The following GRIA2 variants were observed in gnomAD, a reference collection of about 807,000 sequenced individuals.
GRIA2 encodes glutamate ionotropic receptor AMPA type subunit 2, also known as glutamate receptor 2.
Under a neutral mutation model 97.3 loss-of-function variants are expected in GRIA2, and 14 were observed. The ratio of observed to expected loss-of-function variants is 0.14; its 90% CI spans 0.10 to 0.23. The LOEUF (loss-of-function observed/expected upper bound fraction) is 0.23, where lower values mean the gene tolerates loss of function less well. Ranked by LOEUF, GRIA2 falls within the 10% of genes least tolerant of loss-of-function variation. The probability of loss-of-function intolerance (pLI) is 1.00; values close to 1 mark genes in which losing one functional copy is unlikely to be tolerated. For synonymous variants in GRIA2, 412 were observed against 387.8 expected (o/e 1.06, Z -0.73); for missense variants, 558 against 1,069.8 (o/e 0.52, Z 6.67).
At chr4:157,303,080 A>G (rs1733686096) in intron 2 of GRIA2, among the ~76,000 whole-genome samples, 1 of 152,164 alleles carries the variant, frequency 6.6e-6, no homozygotes, top group Non-Finnish European at 1.5e-5. Flanking sequence ...CTTGTCTTAA[A>G]GAGGTTTTGG....
intron 2 of GRIA2, among the ~76,000 whole-genome samples, chr4:157,271,810 C>G (rs1732038490): frequency 6.6e-6 from 1 of 152,076 alleles, no homozygotes; most frequent in East Asian, 1.9e-4. Context: ...TATCTGTCAA[C>G]TCATTTGCCT....
chr4:157,356,369 C>T (rs1736378787), intron 12 of GRIA2, among the ~76,000 whole-genome samples: 1 of 151,282 alleles, frequency 6.6e-6, no homozygotes. Context: ...TTTCCTTTTG[C>T]ATTGCATCAT....
chr4:157,272,138 C>A (rs1732054249), intron 2 of GRIA2, among the ~76,000 whole-genome samples: 1 of 151,980 alleles, frequency 6.6e-6, no homozygotes, highest in South Asian at 2.1e-4. Context: ...GATTTCAAAG[C>A]AACCCTATGA....
rs747461041 is a variant in GRIA2, at chr4:157,309,349, GT to G, written c.470-3310del. Among the ~76,000 whole-genome samples the G allele has an allele frequency of 2.2e-3, 290 of 130,670 alleles. 1 individual carries two copies. Among genetic ancestry groups the G allele is most frequent in the East Asian group, 3.9e-3 (18 of 4,600 alleles). The allele number at this position is 130,670 out of a possible 152,430, so 85.7% of individuals were successfully genotyped here. On this transcript the variant is annotated intron_variant, in intron 3 of 15. Transcript: ENST00000264426. ...GTTTGAAAGTCAGAGAAATTTCTTG[GT>G]TTTTTTTTTTTTTTTTTTTGAAATG...
chr4:157,262,084 A>AACAAAC, intron 2 of GRIA2, among the ~76,000 whole-genome samples: 1 of 152,084 alleles, frequency 6.6e-6, no homozygotes, highest in Non-Finnish European at 1.5e-5. Context: ...TAATTTTTTA[A>AACAAAC]TGACCAAAAT....
intron 2 of GRIA2, among the ~76,000 whole-genome samples, chr4:157,238,959 A>G (rs1730373371): frequency 6.6e-6 from 1 of 152,134 alleles, no homozygotes. Flanking sequence ...TTCTTCTTTC[A>G]TAAACAGTTT....
chr4:157,349,707 A>G (rs1735923161), intron 12 of GRIA2, among the ~76,000 whole-genome samples: 1 of 152,162 alleles, frequency 6.6e-6, no homozygotes, highest in Admixed American at 6.6e-5. Flanking sequence ...CTTTTAAATT[A>G]GGATAGTTTG....
chr4:157,328,288 T>C (rs2126921887), intron 6 of GRIA2, among the ~76,000 whole-genome samples: 2 of 152,172 alleles, frequency 1.3e-5, no homozygotes, highest in South Asian at 4.1e-4. Context: ...TCTAATACCA[T>C]GATTATGTGA....
chr4:157,247,850 C>T (rs766759986), intron 2 of GRIA2, among the ~76,000 whole-genome samples: 64 of 152,098 alleles, frequency 4.2e-4, no homozygotes, highest in African/African-American at 1.4e-3. Context: ...GCAGAAGGGG[C>T]GTCACCATGC....
intron 2 of GRIA2, among the ~76,000 whole-genome samples, chr4:157,274,481 AG>A (rs1264734222): frequency 6.6e-6 from 1 of 151,456 alleles, no homozygotes; most frequent in Admixed American, 6.6e-5. Flanking sequence ...CTTGTCATTT[AG>A]CATTAGGTGT....
At chr4:157,284,681 T>C (rs1275581059) in intron 2 of GRIA2, among the ~76,000 whole-genome samples, 1 of 151,540 alleles carries the variant, frequency 6.6e-6, no homozygotes, top group Admixed American at 6.6e-5. Flanking sequence ...CTAAAAAGAG[T>C]ATATAGCTTT....
intron 2 of GRIA2, among the ~76,000 whole-genome samples, chr4:157,259,714 G>A (rs1731440886): frequency 6.6e-6 from 1 of 152,014 alleles, no homozygotes; most frequent in Non-Finnish European, 1.5e-5. Context: ...CTATTTGAAA[G>A]TACTGAATAT....
intron 2 of GRIA2, among the ~76,000 whole-genome samples, chr4:157,294,113 C>A (rs1239704618): frequency 6.6e-6 from 1 of 151,778 alleles, no homozygotes; most frequent in Non-Finnish European, 1.5e-5. Context: ...ACCTTCAGAA[C>A]CTCTTTGAGT....
intron 7 of GRIA2, 34 bp from the exon 8 acceptor site, chr4:157,333,215 A>G (rs1191832070): frequency 1.1e-5 from 14 of 1,258,160 alleles, no homozygotes; most frequent in Non-Finnish European, 1.6e-5. Flanking sequence ...TGAAGTAAAT[A>G]TATAACTCTG....
intron 2 of GRIA2, among the ~76,000 whole-genome samples, chr4:157,244,333 A>G (rs889983183): frequency 4.1e-4 from 62 of 152,074 alleles, no homozygotes; most frequent in African/African-American, 1.4e-3. Flanking sequence ...ATTTAGGTGA[A>G]CTGAAGATCC....
At position 157,335,689 on chromosome 4, in the gene GRIA2, A is replaced by T; in HGVS notation, c.1285A>T (p.Met429Leu). 1 of 1,607,346 alleles carries T rather than the reference A, an allele frequency of 6.2e-7. No individual in the cohort carries two copies. The highest frequency in any genetic ancestry group is 8.5e-7 in the Non-Finnish European group (1 of 1,174,130). Residue 429 changes from methionine (M) to leucine (L), a missense_variant, in exon 10 of 16, where the codon ATG becomes TTG. This residue lies in a region of GRIA2 where 41 missense variants were observed against 102.2 expected (regional missense o/e 0.40). Transcript: ENST00000264426. ...CATATAGGAATCTCCGTATGTTATG[A>T]TGAAGAAAAATCATGAAATGCTTGA... is the stretch of plus-strand genomic sequence containing the variant. The part of the protein sequence containing the change: ...TTILESPYVM[M>L]KKNHEMLEGN...
chr4:157,325,654 CG>C (rs1734770722), intron 6 of GRIA2, among the ~76,000 whole-genome samples: 1 of 152,186 alleles, frequency 6.6e-6, no homozygotes, highest in Admixed American at 6.5e-5. Context: ...ATTCCTTCAG[CG>C]GTCTTTCTTA....
At chr4:157,323,338 A>G (rs796149329) in intron 6 of GRIA2, among the ~76,000 whole-genome samples, 27 of 8,984 alleles carry the variant, frequency 3.0e-3, no homozygotes, top group African/African-American at 0.01. Context: ...CTCTGTCTCA[A>G]AAAAAAAAAA....
intron 2 of GRIA2, among the ~76,000 whole-genome samples, chr4:157,237,378 G>A (rs899693908): frequency 1.3e-5 from 2 of 150,004 alleles, no homozygotes; most frequent in Admixed American, 6.7e-5. Context: ...CACTGTAACC[G>A]CAAACTCCTG....
Sources: allele counts gnomAD v4.1 joint callset (sites outside exome capture counted in the v4.1 genomes callset), GRCh38; gene constraint gnomAD v4.1.1; regional missense constraint gnomAD v4.1.1; transcripts MANE v1.5; gene names NCBI Gene and HGNC (gene_info 2026-07-23, HGNC 2026-07-21).